Variants in TTLL10 observed in about 807,000 individuals in gnomAD.
TTLL10 encodes inactive polyglycylase TTLL10.
In TTLL10, 61 loss-of-function variants were observed where a neutral mutation model predicts 69.0. The ratio of observed to expected loss-of-function variants is 0.88; its 90% CI spans 0.72 to 1.09. The LOEUF (loss-of-function observed/expected upper bound fraction) is 1.09. Among genes scored for constraint, TTLL10 ranks in the 50% least tolerant of loss-of-function variants. The probability of loss-of-function intolerance (pLI) is 0.00; values close to 1 mark genes in which losing one functional copy is unlikely to be tolerated. For missense variants in TTLL10, 962 were observed against 945.9 expected (o/e 1.02, Z -0.22); for synonymous variants, 408 against 393.3 (o/e 1.04, Z -0.44).
Position 1,185,519 on chromosome 1 carries a change from T to C in TTLL10, c.1401+410T>C. 1 of 1,034,628 alleles carries C rather than the reference T, an allele frequency of 9.7e-7. No homozygotes were observed. Among genetic ancestry groups the C allele is most frequent in the Non-Finnish European group, 1.2e-6 (1 of 862,566 alleles). The allele number at this position is 1,034,628 out of a possible 1,614,324, so 64.1% of individuals were successfully genotyped here. A position where few individuals can be genotyped will look rare whatever the true frequency, so the allele number is the denominator to read the frequency against. ...CAGCTGCCCGTGCAGGCCCGGACTC[T>C]CCCTAGCTAAGGGCCATGTGCGGTG... On this transcript the variant is annotated intron_variant, in intron 13 of 15. Coordinates refer to ENST00000379289, the MANE Select transcript of TTLL10 (RefSeq NM_001130045.2). The surrounding 1 kb of genome is among the most constrained non-coding windows in gnomAD (Gnocchi z 6.1).
intron 11 of TTLL10, among the ~76,000 whole-genome samples, chr1:1,183,337 C>G (rs532665896): frequency 6.6e-6 from 1 of 152,192 alleles, no homozygotes; most frequent in Non-Finnish European, 1.5e-5. Context: ...CGGCTGCCAG[C>G]CCCCCTACTC....
chr1:1,174,186 C>G (rs767170995), intron 1 of TTLL10, 99 bp from the exon 2 acceptor site: 14 of 152,616 alleles, frequency 9.2e-5, no homozygotes, highest in Admixed American at 5.9e-4. Flanking sequence ...GCTGGGCAGC[C>G]CTGGGACGAG....
At chr1:1,179,877 G>C in intron 5 of TTLL10, 140 bp downstream of exon 5, 1 of 1,439,796 alleles carries the variant, frequency 6.9e-7, no homozygotes, top group African/African-American at 1.4e-5. Context: ...AGGCCGCCTG[G>C]TGGGGCCAGA....
chr1:1,181,899 C>A lies in TTLL10; in HGVS notation c.830+84C>A. 7.5e-7 allele frequency: 1 copy of A among 1,335,268 alleles called. No individual in the cohort carries two copies. Among genetic ancestry groups the A allele is most frequent in the Non-Finnish European group, 1.0e-6 (1 of 958,638 alleles). 82.7% of individuals were successfully genotyped at this position (1,335,268 alleles called of 1,614,324 possible). ...GTCGTCTGAAAAGGAGAAAGCGGGG[C>A]GGGGGTCCCACACAAAGGAAAACCA... is the stretch of plus-strand genomic sequence containing the variant. On this transcript the variant is annotated intron_variant, in intron 9 of 15. Transcript: ENST00000379289. The surrounding 1 kb of genome is among the most constrained non-coding windows in gnomAD (Gnocchi z 4.6).
Position 1,190,502 on chromosome 1 carries a change from A to T in TTLL10, c.1401+5393A>T, listed in dbSNP as rs112932236. Among the ~76,000 whole-genome samples, 985 of 150,478 alleles carry T rather than the reference A, an allele frequency of 6.5e-3. 12 individuals carry two copies. Among genetic ancestry groups the T allele is most frequent in the African/African-American group, 0.02 (838 of 40,906 alleles). ...GAGTGCAGTGGCACGATTTCAGCTC[A>T]CTGCAACCTCTGCCTCCCGGGTTCA... On this transcript the variant is annotated intron_variant, in intron 13 of 15. Transcript: ENST00000379289.
chr1:1,196,693 T>G lies in TTLL10; in HGVS notation c.1495T>G (p.Phe499Val). Residue 499 changes from phenylalanine to valine, a missense_variant, in exon 14 of 16, where the codon TTC (phenylalanine) becomes GTC (valine). By Grantham distance (50) the Phe-to-Val change is conservative. Coordinates refer to ENST00000379289, the MANE Select transcript of TTLL10 (RefSeq NM_001130045.2). ...TTACTTTGACCTCATTGGCTGTGAC[T>G]TCCTGATTGATGACAACTTCAAGGT... ...LGYFDLIGCD[F>V]LIDDNFKVWL... 6.4e-7 allele frequency: 1 copy of G among 1,551,868 alleles called. No homozygotes were observed. Among genetic ancestry groups the G allele is most frequent in the Non-Finnish European group, 8.7e-7 (1 of 1,146,836 alleles).
chr1:1,193,421 T>C lies in TTLL10; in HGVS notation c.1402-3179T>C, dbSNP rs1188029341. On this transcript the variant is annotated intron_variant, in intron 13 of 15. Coordinates refer to ENST00000379289, the MANE Select transcript of TTLL10 (RefSeq NM_001130045.2). ...GTCTGTCTTTTTTTGTTCCTCAGTT[T>C]CTCCATTACTGCCTCCTATTGTTTT... 3.9e-5 allele frequency among the ~76,000 whole-genome samples: 6 copies of C among 152,296 alleles called. No individual in the cohort carries two copies. The East Asian group carries it at 1.2e-3, about 29-fold the overall frequency.
chr1:1,187,348 T>C (rs1354668676), intron 13 of TTLL10, among the ~76,000 whole-genome samples: 1 of 152,052 alleles, frequency 6.6e-6, no homozygotes, highest in Non-Finnish European at 1.5e-5. Flanking sequence ...AAATCCATTG[T>C]GCCAGGTGCG....
chr1:1,179,752 A>T lies in TTLL10; in HGVS notation c.199+15A>T. On this transcript the variant is annotated intron_variant, in intron 5 of 15. Transcript: ENST00000379289. ...CTGCCCTGTTGGTGAGGAGGGTCGG[A>T]GGGGCGACCTCCCTGCCCCCTGCTC... 1 of 1,542,618 alleles carries T rather than the reference A, an allele frequency of 6.5e-7. No homozygotes were observed. Among genetic ancestry groups the T allele is most frequent in the Non-Finnish European group, 8.7e-7 (1 of 1,143,540 alleles).
chr1:1,182,939 G>T lies in TTLL10; in HGVS notation c.980G>T (p.Arg327Leu), dbSNP rs546816658. The T allele has an allele frequency of 6.3e-7, 1 of 1,599,500 alleles. No individual in the cohort carries two copies. The highest frequency in any genetic ancestry group is 8.5e-7 in the Non-Finnish European group (1 of 1,173,726). The change falls in exon 11 of 16, where the codon CGG (arginine) becomes CTG (leucine). Residue 327 changes from arginine (R) to leucine (L), a missense_variant. Transcript: ENST00000379289. Reference protein sequence around the residue: ...SNQGKGIFLLRNQEEVAALQA... With the variant: ...SNQGKGIFLLLNQEEVAALQA... ...CAGGGCAAAGGCATCTTCCTGCTCC[G>T]GAACCAGGAGGAAGTTGCCGCCCTG...
Position 1,182,863 on chromosome 1 carries a change from G to T in TTLL10, c.917-13G>T. 6.4e-7 allele frequency: 1 copy of T among 1,553,380 alleles called. No individual in the cohort carries two copies. The highest frequency in any genetic ancestry group is 8.7e-7 in the Non-Finnish European group (1 of 1,146,702). ...GGGGGCGAGGCCAGGGGCTCAGGCCGCGCTCTCTGCAGAAACCCAGATATG... is the reference window on the plus strand; with the variant it reads ...GGGGGCGAGGCCAGGGGCTCAGGCCTCGCTCTCTGCAGAAACCCAGATATG... On this transcript the variant is annotated splice_polypyrimidine_tract_variant and intron_variant, in intron 10 of 15. Coordinates refer to ENST00000379289, the MANE Select transcript of TTLL10 (RefSeq NM_001130045.2).
chr1:1,195,119 T>A (rs1394369477), intron 13 of TTLL10, among the ~76,000 whole-genome samples: 1 of 152,158 alleles, frequency 6.6e-6, no homozygotes, highest in Non-Finnish European at 1.5e-5. Context: ...GCCTCCCAAG[T>A]AGCTGGGACT....
rs1379798497 is a variant in TTLL10 at position 1,177,092 on chromosome 1, C to G, written c.-27-2097C>G. 2.0e-5 allele frequency among the ~76,000 whole-genome samples: 3 copies of G among 146,386 alleles called. 1 individual carries two copies. The highest frequency in any genetic ancestry group is 4.0e-4 in the East Asian group (2 of 5,048). ...TGTGTGTGGGTGTCTGTGTGTGTGT[C>G]TGTGTGTACGTGTGTGTGTAGACGT... On this transcript the variant is annotated intron_variant, in intron 3 of 15. Coordinates refer to ENST00000379289, the MANE Select transcript of TTLL10 (RefSeq NM_001130045.2).
rs200847553 is a variant in TTLL10 at position 1,180,815 on chromosome 1, G to C, written c.710G>C (p.Arg237Pro). 3.7e-6 allele frequency: 6 copies of C among 1,600,528 alleles called. No individual in the cohort carries two copies. Among genetic ancestry groups the C allele is most frequent in the Non-Finnish European group, 5.1e-6 (6 of 1,174,604 alleles). ...GLLSTLRGRA[R>P]AMSKASKVPG... ...CTCAGCACCCTTCGGGGACGGGCAC[G>C]GGCCATGAGCAAGGCCAGCAAGGTG... is the stretch of plus-strand genomic sequence containing the variant. Residue 237 changes from arginine (R) to proline (P), a missense_variant, in exon 8 of 16, where the codon CGG (arginine) becomes CCG (proline). Arg to Pro is a moderately radical substitution (Grantham distance 103). Coordinates refer to ENST00000379289, the MANE Select transcript of TTLL10 (RefSeq NM_001130045.2).
chr1:1,177,840 C>T (rs1478895721), intron 3 of TTLL10, among the ~76,000 whole-genome samples: 1 of 152,208 alleles, frequency 6.6e-6, no homozygotes, highest in Non-Finnish European at 1.5e-5. Flanking sequence ...CAAAAGTCCT[C>T]CTGTTCTGGG....
In TTLL10 at chr1:1,197,860, G is replaced by A. The variant is rs769445286; in HGVS notation, c.*13G>A. 96 of 1,426,082 alleles carry A rather than the reference G, an allele frequency of 6.7e-5. 2 individuals are homozygous for A. In the South Asian group the frequency reaches 1.2e-3, roughly 18 times the overall value. The allele number at this position is 1,426,082 out of a possible 1,614,324, so 88.3% of individuals were successfully genotyped here. ...CGCGAGGCCCTAGGGGCAGCCACCC[G>A]CGCCCAGCGCCCCGCGCCCCGCGCC... is the stretch of plus-strand genomic sequence containing the variant. On this transcript the variant is annotated 3_prime_UTR_variant, in exon 16 of 16. Transcript: ENST00000379289.
In TTLL10 at chr1:1,185,872, G is replaced by C. The variant is rs1161408678; in HGVS notation, c.1401+763G>C. On this transcript the variant is annotated intron_variant, in intron 13 of 15. Coordinates refer to ENST00000379289, the MANE Select transcript of TTLL10 (RefSeq NM_001130045.2). The surrounding 1 kb of genome is among the most constrained non-coding windows in gnomAD (Gnocchi z 6.1). Reference sequence around the variant, plus strand: ...AAAATTCACGATCTTAAAGTGTGCAGTTCAGTGGCTTTTAGTATTTCAAAA... The same window carrying C: ...AAAATTCACGATCTTAAAGTGTGCACTTCAGTGGCTTTTAGTATTTCAAAA... 2.7e-5 allele frequency: 26 copies of C among 974,452 alleles called. No individual in the cohort carries two copies. Among genetic ancestry groups the C allele is most frequent in the Non-Finnish European group, 3.0e-5 (25 of 820,124 alleles). The allele number at this position is 974,452 out of a possible 1,614,324, so 60.4% of individuals were successfully genotyped here. A position where few individuals can be genotyped will look rare whatever the true frequency, so the allele number is the denominator to read the frequency against.
intron 13 of TTLL10, among the ~76,000 whole-genome samples, chr1:1,188,405 AT>A (rs57122719): frequency 0.021 from 2,905 of 140,296 alleles, 56 homozygotes; most frequent in African/African-American, 0.06. Flanking sequence ...GTCCAATGAA[AT>A]TTTTTTTTTT....
At chr1:1,193,765 T>G (rs1032497305) in intron 13 of TTLL10, among the ~76,000 whole-genome samples, 3 of 152,204 alleles carry the variant, frequency 2.0e-5, no homozygotes, top group African/African-American at 7.2e-5. Flanking sequence ...ACGCCTGGCT[T>G]AGTGTAGCAT....
Sources: gnomAD v4.1 joint callset for allele counts (sites outside exome capture counted in the v4.1 genomes callset) on GRCh38, gnomAD v4.1.1 for gene constraint, Gnocchi (gnomAD v3.1) non-coding constraint, MANE v1.5 for transcripts, NCBI Gene and HGNC (gene_info 2026-07-23, HGNC 2026-07-21) for gene names.